The following NFATC3 variants were observed in gnomAD, a reference collection of about 807,000 sequenced individuals.
NFATC3 encodes nuclear factor of activated T-cells, cytoplasmic 3.
A neutral mutation model predicts 98.6 loss-of-function variants in NFATC3; 46 were observed. That is an observed-to-expected ratio of 0.47 (90% CI 0.37 to 0.60). The LOEUF is 0.60. Among genes scored for constraint, NFATC3 ranks in the 20% least tolerant of loss-of-function variants. The probability of loss-of-function intolerance (pLI) is 0.00; values close to 1 mark genes in which losing one functional copy is unlikely to be tolerated. For missense variants in NFATC3, 1,256 were observed against 1,295.5 expected (o/e 0.97, Z 0.47); for synonymous variants, 512 against 472.2 (o/e 1.08, Z -1.09).
intron 9 of NFATC3, chr16:68,200,500 AT>A (rs1166387997): frequency 1.3e-5 from 2 of 151,706 alleles, no homozygotes; most frequent in Non-Finnish European, 2.9e-5. Context: ...CCTCATACCA[AT>A]TTTCCAAGCT....
chr16:68,188,924 T>A (rs985667783), intron 8 of NFATC3, among the ~76,000 whole-genome samples: 2 of 152,066 alleles, frequency 1.3e-5, no homozygotes, highest in Non-Finnish European at 2.9e-5. Context: ...GCCAGGCTGG[T>A]CTCGAATTCC....
intron 6 of NFATC3, among the ~76,000 whole-genome samples, chr16:68,180,923 G>C (rs532305927): frequency 1.2e-4 from 18 of 152,176 alleles, no homozygotes; most frequent in Non-Finnish European, 2.1e-4. Flanking sequence ...ATTTGGGTTG[G>C]TTCCAAGTCT....
At chr16:68,121,628 A>C (rs1367776104) in intron 1 of NFATC3, among the ~76,000 whole-genome samples, 1 of 150,594 alleles carries the variant, frequency 6.6e-6, no homozygotes. Context: ...AGCTATGATC[A>C]CACCATTGCA....
intron 9 of NFATC3, among the ~76,000 whole-genome samples, chr16:68,207,171 A>G (rs975714307): frequency 3.3e-5 from 5 of 150,698 alleles, no homozygotes; most frequent in African/African-American, 4.9e-5. Flanking sequence ...TTAGTTGGGC[A>G]TGGTGGTGGG....
At chr16:68,107,783 T>G (rs1365068575) in intron 1 of NFATC3, among the ~76,000 whole-genome samples, 1 of 151,928 alleles carries the variant, frequency 6.6e-6, no homozygotes, top group Non-Finnish European at 1.5e-5. Flanking sequence ...AGATGGTATC[T>G]CATTGTGGTT....
intron 3 of NFATC3, among the ~76,000 whole-genome samples, chr16:68,146,824 C>T (rs1480321721): frequency 6.6e-6 from 1 of 152,222 alleles, no homozygotes; most frequent in African/African-American, 2.4e-5. Flanking sequence ...TTACTTTCTT[C>T]TGCGAAGCAG....
intron 1 of NFATC3, among the ~76,000 whole-genome samples, chr16:68,105,051 C>A (rs1444061221): frequency 6.7e-6 from 1 of 148,680 alleles, no homozygotes; most frequent in Non-Finnish European, 1.5e-5. Flanking sequence ...ATGTTGAATT[C>A]TGTCAAATGC....
chr16:68,174,590 C>G, intron 6 of NFATC3, 76 bp downstream of exon 6: 11 of 1,217,798 alleles, frequency 9.0e-6, no homozygotes, highest in Non-Finnish European at 1.2e-5. Flanking sequence ...GTTTCTGTAA[C>G]AAAAATTACA....
intron 1 of NFATC3, among the ~76,000 whole-genome samples, chr16:68,117,870 A>C (rs1355358156): frequency 2.6e-5 from 4 of 152,200 alleles, no homozygotes; most frequent in Non-Finnish European, 5.9e-5. Flanking sequence ...TCAGGGACTT[A>C]CTTGGTAGGT....
At chr16:68,106,488 C>G (rs1387557788) in intron 1 of NFATC3, among the ~76,000 whole-genome samples, 1 of 151,972 alleles carries the variant, frequency 6.6e-6, no homozygotes, top group Non-Finnish European at 1.5e-5. Context: ...GACGGGGTTT[C>G]TCCCTGTTGT....
intron 9 of NFATC3, among the ~76,000 whole-genome samples, chr16:68,213,073 A>G (rs2041482816): frequency 6.8e-6 from 1 of 146,582 alleles, no homozygotes. Flanking sequence ...TGCTGGGATT[A>G]CAGGTGTGAG....
intron 3 of NFATC3, among the ~76,000 whole-genome samples, chr16:68,144,743 C>A (rs4517790): frequency 6.6e-6 from 1 of 151,900 alleles, no homozygotes; most frequent in Non-Finnish European, 1.5e-5. Flanking sequence ...CTGCCACCTC[C>A]GCCTCCCAGG....
chr16:68,120,300 G>T (rs976228839), intron 1 of NFATC3, among the ~76,000 whole-genome samples: 2 of 146,644 alleles, frequency 1.4e-5, no homozygotes, highest in African/African-American at 5.0e-5. Context: ...AAAAAAGTCC[G>T]GGTGTGGTGG....
chr16:68,087,932 A>G (rs1470323110), intron 1 of NFATC3, among the ~76,000 whole-genome samples: 4 of 152,176 alleles, frequency 2.6e-5, no homozygotes. Context: ...CCTTTTGGCT[A>G]TTGTGAATAG....
At chr16:68,126,937 G>A (rs1049660492) in intron 3 of NFATC3, among the ~76,000 whole-genome samples, 2 of 152,078 alleles carry the variant, frequency 1.3e-5, no homozygotes, top group African/African-American at 2.4e-5. Context: ...AATACAGGCC[G>A]GGCACGGTGG....
intron 3 of NFATC3, among the ~76,000 whole-genome samples, chr16:68,143,179 A>C (rs1216688820): frequency 8.1e-5 from 12 of 148,772 alleles, no homozygotes; most frequent in Non-Finnish European, 3.0e-5. Flanking sequence ...TGAGTTATGC[A>C]CTGTAGCCTG....
chr16:68,145,130 TCTC>T (rs1323819605), intron 3 of NFATC3, among the ~76,000 whole-genome samples: 2 of 147,054 alleles, frequency 1.4e-5, no homozygotes, highest in South Asian at 2.1e-4. Flanking sequence ...TCTTTCTCTC[TCTC>T]TTTTTTTTTT....
intron 1 of NFATC3, among the ~76,000 whole-genome samples, chr16:68,113,659 C>T (rs971338889): frequency 1.3e-5 from 2 of 152,214 alleles, no homozygotes; most frequent in African/African-American, 4.8e-5. Context: ...CTCATCTGGA[C>T]TGCCAACAGG....
At position 68,188,258 on chromosome 16, in the gene NFATC3, A is replaced by G. The variant is rs1397199176; in HGVS notation, c.2099-2510A>G. Among the ~76,000 whole-genome samples, 3 of 152,274 alleles carry G rather than the reference A, an allele frequency of 2.0e-5. No individual in the cohort carries two copies. The East Asian group carries it at 5.8e-4, about 29-fold the overall frequency. Reference sequence around the variant, plus strand: ...GCTTCCTGGGTCTCTCTTCCTAGGCAGAGATGCCTAGGTCAGCAGCCATCG... The same window carrying G: ...GCTTCCTGGGTCTCTCTTCCTAGGCGGAGATGCCTAGGTCAGCAGCCATCG... On this transcript the variant is annotated intron_variant, in intron 8 of 9. Coordinates refer to ENST00000346183, the MANE Select transcript of NFATC3 (RefSeq NM_173165.3).
Sources: gnomAD v4.1 joint callset for allele counts (sites outside exome capture counted in the v4.1 genomes callset) on GRCh38, gnomAD v4.1.1 for gene constraint, MANE v1.5 for transcripts, NCBI Gene and HGNC (gene_info 2026-07-23, HGNC 2026-07-21) for gene names.